The following ADCY3 variants were observed in gnomAD, a reference collection of about 807,000 sequenced individuals.
ADCY3 encodes the protein adenylate cyclase 3, also known as adenylate cyclase type 3.
In ADCY3, 70 loss-of-function variants were observed where a neutral mutation model predicts 119.4. That is an observed-to-expected ratio of 0.59 (90% CI 0.48 to 0.72). The LOEUF (loss-of-function observed/expected upper bound fraction) is 0.72, where lower values mean the gene tolerates loss of function less well. ADCY3 is among the 30% of genes least tolerant of loss of function. The pLI is 0.00. For synonymous variants in ADCY3, 672 were observed against 621.4 expected (o/e 1.08, Z -1.21); for missense variants, 1,238 against 1,541.6 (o/e 0.80, Z 3.30).
rs184334249 is a variant in ADCY3 at position 24,845,247 on chromosome 2, A to G, written c.826-2863T>C. On this transcript the variant is annotated intron_variant, in intron 3 of 21. Transcript: ENST00000679454. ...GGAAGTGACTTTGGAACTGGGTAACAGGCAGAGGTCAGAACAGTTTGGAGG... is the reference window on the plus strand; with the variant it reads ...GGAAGTGACTTTGGAACTGGGTAACGGGCAGAGGTCAGAACAGTTTGGAGG... Among the ~76,000 whole-genome samples the G allele has an allele frequency of 2.2e-3, 335 of 152,372 alleles. 2 individuals are homozygous for G. Among genetic ancestry groups the G allele is most frequent in the African/African-American group, 7.5e-3 (313 of 41,596 alleles).
intron 13 of ADCY3, among the ~76,000 whole-genome samples, 194 bp downstream of exon 13, chr2:24,830,515 C>T (rs1439244700): frequency 6.6e-6 from 1 of 152,154 alleles, no homozygotes; most frequent in Non-Finnish European, 1.5e-5. Context: ...ACAAGTCCAT[C>T]CCAGAGGCTC....
At chr2:24,915,054 C>A (rs1055283229) in intron 2 of ADCY3, among the ~76,000 whole-genome samples, 11 of 152,228 alleles carry the variant, frequency 7.2e-5, no homozygotes, top group African/African-American at 2.7e-4. Context: ...TCCTTCCCCA[C>A]AGAGCTGCGC....
chr2:24,867,890 G>A (rs1339758828), intron 3 of ADCY3, among the ~76,000 whole-genome samples: 1 of 152,176 alleles, frequency 6.6e-6, no homozygotes, highest in Admixed American at 6.5e-5. Flanking sequence ...AGCAGAAAGT[G>A]GGGGGCAGAG....
At chr2:24,862,634 G>C (rs963807981) in intron 3 of ADCY3, among the ~76,000 whole-genome samples, 2 of 151,870 alleles carry the variant, frequency 1.3e-5, no homozygotes, top group Non-Finnish European at 2.9e-5. Flanking sequence ...AAGATGTTGC[G>C]GAACTAGCTA....
intron 3 of ADCY3, among the ~76,000 whole-genome samples, chr2:24,848,487 T>C (rs1671910730): frequency 6.6e-6 from 1 of 152,238 alleles, no homozygotes; most frequent in South Asian, 2.1e-4. Context: ...GATTTCCCAC[T>C]TCACACCTCT....
intron 11 of ADCY3, among the ~76,000 whole-genome samples, chr2:24,832,745 C>T (rs1324836656): frequency 1.3e-5 from 2 of 152,210 alleles, no homozygotes; most frequent in Non-Finnish European, 2.9e-5. Flanking sequence ...GCCAGGTTCA[C>T]GTCTCCAACC....
chr2:24,916,429 A>G (rs1664460553), intron 2 of ADCY3, among the ~76,000 whole-genome samples: 1 of 152,204 alleles, frequency 6.6e-6, no homozygotes, highest in African/African-American at 2.4e-5. Flanking sequence ...CACGCCTGTA[A>G]TCCCAGCACT....
intron 2 of ADCY3, among the ~76,000 whole-genome samples, chr2:24,885,687 C>A (rs531467829): frequency 6.6e-6 from 1 of 152,226 alleles, no homozygotes. Flanking sequence ...TCCTGCCAAT[C>A]CACCCTGGAA....
rs781133682 is a variant in ADCY3, at chr2:24,819,974, G to A, written c.3393C>T (p.Gly1131=). 4 of 1,613,774 alleles carry A rather than the reference G, an allele frequency of 2.5e-6. 1 individual carries two copies. Among genetic ancestry groups the A allele is most frequent in the South Asian group, 2.2e-5 (2 of 91,048 alleles). The change falls in exon 22 of 22, where the codon GGC becomes GGT. Residue 1131 remains glycine, a synonymous_variant. Transcript: ENST00000679454. The part of the protein sequence containing the change: ...GRDKLATFPN[G]PSVTLPHQVV... ...CCTGGTGGGGCAGTGTGACAGAGGGGCCATTGGGGAAGGTGGCTAGCTTAT... is the reference window on the plus strand; with the variant it reads ...CCTGGTGGGGCAGTGTGACAGAGGGACCATTGGGGAAGGTGGCTAGCTTAT...
intron 2 of ADCY3, among the ~76,000 whole-genome samples, chr2:24,896,685 T>C (rs1479808908): frequency 6.6e-6 from 1 of 152,216 alleles, no homozygotes; most frequent in African/African-American, 2.4e-5. Context: ...GGTTGCCCTG[T>C]GCATGAGCAG....
At chr2:24,838,771 G>T in intron 7 of ADCY3, 149 bp from the exon 8 acceptor site, 1 of 1,590,516 alleles carries the variant, frequency 6.3e-7, no homozygotes, top group Non-Finnish European at 8.6e-7. Context: ...AGGCAGTTCT[G>T]CCACTAACTA....
At chr2:24,828,698 A>AC (rs1668973906) in intron 13 of ADCY3, among the ~76,000 whole-genome samples, 1 of 151,864 alleles carries the variant, frequency 6.6e-6, no homozygotes, top group Admixed American at 6.6e-5. Context: ...ACCGGAATCA[A>AC]CCCCCCCTTT....
intron 2 of ADCY3, among the ~76,000 whole-genome samples, chr2:24,902,473 TG>T (rs1389366916): frequency 1.3e-5 from 2 of 152,138 alleles, no homozygotes; most frequent in African/African-American, 4.8e-5. Flanking sequence ...CATCCCAACA[TG>T]TGCCATGGTG....
chr2:24,903,932 C>T (rs1413748531), intron 2 of ADCY3, among the ~76,000 whole-genome samples: 1 of 152,208 alleles, frequency 6.6e-6, no homozygotes, highest in East Asian at 1.9e-4. Context: ...ATGAAAGGAA[C>T]CGAGCTCCAT....
At chr2:24,839,563 C>CGTAAAGGGGTGGCATAAAGGG (rs1197971370) in intron 7 of ADCY3, among the ~76,000 whole-genome samples, 2 of 152,204 alleles carry the variant, frequency 1.3e-5, no homozygotes, top group African/African-American at 4.8e-5. Flanking sequence ...AGAGCTGGGG[C>CGTAAAGGGGTGGCATAAAGGG]AGCCCCCTTA....
chr2:24,849,978 GT>G (rs2148646151), intron 3 of ADCY3, among the ~76,000 whole-genome samples: 1 of 152,208 alleles, frequency 6.6e-6, no homozygotes, highest in South Asian at 2.1e-4. Context: ...TTCTAGTCCT[GT>G]CCCCCACTGC....
chr2:24,820,355 C>T (rs1667413880), intron 21 of ADCY3: 4 of 1,329,158 alleles, frequency 3.0e-6, no homozygotes, highest in Non-Finnish European at 3.8e-6. Context: ...CTAGGATGGC[C>T]ATGGTCACCT....
At chr2:24,908,982 G>A (rs943852043) in intron 2 of ADCY3, among the ~76,000 whole-genome samples, 4 of 152,080 alleles carry the variant, frequency 2.6e-5, no homozygotes, top group Non-Finnish European at 5.9e-5. Context: ...CAACCCCTCA[G>A]CCTCCCTACA....
Position 24,834,449 on chromosome 2 carries a change from G to C in ADCY3, c.1967+36C>G. The stretch of plus-strand genomic sequence containing the variant: ...CCCCCCGCCCGGCACCACCGCAGCC[G>C]AGGAAACTCGTGGCCCTCCCCGGCC... On this transcript the variant is annotated intron_variant, in intron 11 of 21. Coordinates refer to ENST00000679454, the MANE Select transcript of ADCY3 (RefSeq NM_004036.5). The surrounding 1 kb of genome is among the most constrained non-coding windows in gnomAD (Gnocchi z 4.2). The C allele has an allele frequency of 3.5e-6, 5 of 1,439,440 alleles. No individual in the cohort carries two copies. Among genetic ancestry groups the C allele is most frequent in the Admixed American group, 2.1e-5 (1 of 46,778 alleles). The allele number at this position is 1,439,440 out of a possible 1,614,324, so 89.2% of individuals were successfully genotyped here. A position where few individuals can be genotyped will look rare whatever the true frequency, so the allele number is the denominator to read the frequency against.
Sources: allele counts gnomAD v4.1 joint callset (sites outside exome capture counted in the v4.1 genomes callset), GRCh38; gene constraint gnomAD v4.1.1; non-coding constraint Gnocchi (gnomAD v3.1); transcripts MANE v1.5; gene names NCBI Gene and HGNC (gene_info 2026-07-23, HGNC 2026-07-21).